CLNK: variants seen among roughly 807,000 people sequenced by gnomAD.
CLNK encodes cytokine dependent hematopoietic cell linker, also known as cytokine-dependent hematopoietic cell linker.
A neutral mutation model predicts 68.6 loss-of-function variants in CLNK; 74 were observed. The ratio of observed to expected loss-of-function variants is 1.08; its 90% CI spans 0.89 to 1.31. CLNK has a LOEUF of 1.31. Among genes scored for constraint, CLNK ranks in the 50% most tolerant of loss-of-function variants. The probability of loss-of-function intolerance (pLI) is 0.00; values close to 1 mark genes in which losing one functional copy is unlikely to be tolerated. For missense variants in CLNK, 553 were observed against 515.3 expected (o/e 1.07, Z -0.71); for synonymous variants, 198 against 172.2 (o/e 1.15, Z -1.17).
chr4:10,576,551 A>T (rs1042315399), intron 4 of CLNK, among the ~76,000 whole-genome samples: 1 of 152,208 alleles, frequency 6.6e-6, no homozygotes, highest in Non-Finnish European at 1.5e-5. Context: ...TGATAGGCAG[A>T]AGGCAATTAC....
chr4:10,634,256 T>G (rs893037571), intron 2 of CLNK, among the ~76,000 whole-genome samples: 1 of 152,164 alleles, frequency 6.6e-6, no homozygotes, highest in African/African-American at 2.4e-5. Context: ...AAAAGTGGCC[T>G]TTTTCCAAAG....
intron 2 of CLNK, among the ~76,000 whole-genome samples, chr4:10,602,014 C>A (rs1409027755): frequency 6.6e-6 from 1 of 152,240 alleles, no homozygotes; most frequent in East Asian, 1.9e-4. Flanking sequence ...TCATCTTCTG[C>A]TGAAACAGAG....
chr4:10,712,512 G>A, the CLNK span, among the ~76,000 whole-genome samples: 1 of 152,108 alleles, frequency 6.6e-6, no homozygotes, highest in East Asian at 1.9e-4. Context: ...GACAATAACA[G>A]CCCTTTCCTG....
chr4:10,539,930 C>T (rs1399474036), intron 11 of CLNK, among the ~76,000 whole-genome samples: 3 of 152,176 alleles, frequency 2.0e-5, no homozygotes, highest in Non-Finnish European at 4.4e-5. Flanking sequence ...CACAAGTGAG[C>T]AATTCTTTCA....
chr4:10,498,466 T>G (rs1351845195), intron 18 of CLNK, among the ~76,000 whole-genome samples: 1 of 152,196 alleles, frequency 6.6e-6, no homozygotes, highest in Non-Finnish European at 1.5e-5. Flanking sequence ...CACTCCAGCC[T>G]GGGTGACAGA....
At chr4:10,513,306 T>C (rs558946549) in intron 16 of CLNK, among the ~76,000 whole-genome samples, 158 bp downstream of exon 16, 1 of 152,288 alleles carries the variant, frequency 6.6e-6, no homozygotes, top group Admixed American at 6.5e-5. Flanking sequence ...TTTAAAAATA[T>C]TAAAATACTT....
At chr4:10,501,437 C>G in intron 17 of CLNK, 26 bp from the exon 18 acceptor site, 2 of 1,600,862 alleles carry the variant, frequency 1.2e-6, no homozygotes, top group South Asian at 2.3e-5. Context: ...TAACAGTCAT[C>G]TTTTCAGACA....
chr4:10,721,073 A>G, the CLNK span, among the ~76,000 whole-genome samples: 1 of 152,110 alleles, frequency 6.6e-6, no homozygotes, highest in Non-Finnish European at 1.5e-5. Context: ...AAGAAAAATT[A>G]CTTATATATG....
intron 8 of CLNK, among the ~76,000 whole-genome samples, chr4:10,550,473 C>T (rs1042788867): frequency 2.0e-5 from 3 of 151,914 alleles, no homozygotes; most frequent in East Asian, 1.9e-4. Context: ...CCAGCCTGGG[C>T]GGCACAGGGA....
intron 2 of CLNK, among the ~76,000 whole-genome samples, chr4:10,604,815 C>T (rs1721726144): frequency 1.3e-5 from 2 of 152,220 alleles, no homozygotes; most frequent in South Asian, 4.1e-4. Context: ...TTTGCAGTTT[C>T]ATGGTGTGAT....
intron 4 of CLNK, among the ~76,000 whole-genome samples, chr4:10,579,327 A>C (rs1720693925): frequency 6.6e-6 from 1 of 152,196 alleles, no homozygotes; most frequent in Admixed American, 6.5e-5. Flanking sequence ...GTATTATGAG[A>C]GTAAATGAGT....
intron 4 of CLNK, among the ~76,000 whole-genome samples, chr4:10,573,658 T>C (rs1426047574): frequency 6.6e-6 from 1 of 152,186 alleles, no homozygotes; most frequent in Admixed American, 6.5e-5. Flanking sequence ...ACAACTCCAC[T>C]GTTTAATTCA....
At chr4:10,606,644 A>G (rs942864500) in intron 2 of CLNK, among the ~76,000 whole-genome samples, 11 of 152,208 alleles carry the variant, frequency 7.2e-5, no homozygotes, top group Admixed American at 6.5e-4. Context: ...TTGCATTACA[A>G]TGTTATAGCA....
At chr4:10,691,333 G>A in the CLNK span, among the ~76,000 whole-genome samples, 1 of 152,078 alleles carries the variant, frequency 6.6e-6, no homozygotes, top group Non-Finnish European at 1.5e-5. Context: ...GACCCACCTT[G>A]TATCACCCAG....
At chr4:10,540,172 A>T (rs1444090538) in intron 11 of CLNK, among the ~76,000 whole-genome samples, 1 of 152,082 alleles carries the variant, frequency 6.6e-6, no homozygotes, top group Admixed American at 6.5e-5. Context: ...CTGTCATGAG[A>T]TCTGATGGTT....
chr4:10,493,375 G>A (rs539502802), intron 18 of CLNK, among the ~76,000 whole-genome samples: 5 of 152,174 alleles, frequency 3.3e-5, no homozygotes, highest in African/African-American at 9.6e-5. Flanking sequence ...CAGCAGAAAT[G>A]TATGTCTCAC....
intron 14 of CLNK, among the ~76,000 whole-genome samples, 171 bp downstream of exon 14, chr4:10,525,670 A>G (rs1718283981): frequency 1.3e-5 from 2 of 152,196 alleles, no homozygotes; most frequent in South Asian, 4.1e-4. Context: ...AAAGAACAAC[A>G]TTATTAACAT....
At chr4:10,667,534 A>C (rs905908248) in intron 2 of CLNK, among the ~76,000 whole-genome samples, 2 of 151,676 alleles carry the variant, frequency 1.3e-5, no homozygotes, top group African/African-American at 4.8e-5. Context: ...CACACAAACC[A>C]CTGTCCTTTT....
intron 1 of CLNK, among the ~76,000 whole-genome samples, chr4:10,675,781 G>A (rs951402521): frequency 3.9e-5 from 6 of 152,078 alleles, no homozygotes; most frequent in South Asian, 4.1e-4. Flanking sequence ...AACTGTGAAC[G>A]GCTAAAGAAA....
Sources: allele counts gnomAD v4.1 joint callset (sites outside exome capture counted in the v4.1 genomes callset), GRCh38; gene constraint gnomAD v4.1.1; transcripts MANE v1.5; gene names NCBI Gene and HGNC (gene_info 2026-07-23, HGNC 2026-07-21).